Variants in DAB2IP observed in about 807,000 individuals in gnomAD.
DAB2IP encodes DAB2 interacting protein.
In DAB2IP, 28 loss-of-function variants were observed where a neutral mutation model predicts 107.2. The ratio of observed to expected loss-of-function variants is 0.26; its 90% CI spans 0.19 to 0.36. The LOEUF (loss-of-function observed/expected upper bound fraction) is 0.36. Ranked by LOEUF, DAB2IP falls within the 10% of genes least tolerant of loss-of-function variation. The probability of loss-of-function intolerance (pLI) is 1.00; values close to 1 mark genes in which losing one functional copy is unlikely to be tolerated. For missense variants in DAB2IP, 1,400 were observed against 1,644.7 expected, an observed-to-expected ratio of 0.85 and a Z score of 2.57; for synonymous variants, 755 against 706.4, an observed-to-expected ratio of 1.07 and a Z score of -1.09.
chr9:121,589,624 CT>C (rs1231979529), intron 1 of DAB2IP, among the ~76,000 whole-genome samples: 2 of 152,112 alleles, frequency 1.3e-5, no homozygotes, highest in Non-Finnish European at 2.9e-5. Flanking sequence ...ACATTGTTAC[CT>C]GTCTCTTCCC....
At chr9:121,762,980 G>A (rs1049090593) in intron 6 of DAB2IP, among the ~76,000 whole-genome samples, 3 of 152,208 alleles carry the variant, frequency 2.0e-5, no homozygotes, top group Admixed American at 6.5e-5. Flanking sequence ...ACCTGCCTGA[G>A]CATGGTGGCT....
chr9:121,570,886 T>A (rs1298211968), intron 1 of DAB2IP, among the ~76,000 whole-genome samples: 1 of 151,900 alleles, frequency 6.6e-6, no homozygotes, highest in East Asian at 1.9e-4. Context: ...TTCCTCCCAT[T>A]ATCTCTGGCT....
chr9:121,601,913 C>CGT (rs1564693673), intron 1 of DAB2IP, among the ~76,000 whole-genome samples: 1 of 150,690 alleles, frequency 6.6e-6, no homozygotes, highest in African/African-American at 2.5e-5. Flanking sequence ...TGTGCGCGTG[C>CGT]GTGTGTGCTC....
chr9:121,581,791 G>A (rs1379999233), intron 1 of DAB2IP, among the ~76,000 whole-genome samples: 3 of 152,204 alleles, frequency 2.0e-5, no homozygotes. Context: ...TCCCAGTAAA[G>A]TAGGCAGGAA....
chr9:121,667,167 C>T (rs956994978), intron 1 of DAB2IP, among the ~76,000 whole-genome samples: 2 of 152,218 alleles, frequency 1.3e-5, no homozygotes, highest in East Asian at 1.9e-4. Flanking sequence ...TGCACCACCA[C>T]GCCTGACTAA....
In DAB2IP at chr9:121,736,837, G is replaced by A. The variant is rs749029394; in HGVS notation, c.363-20176G>A. ...TTCGAGGTGTGCTGGGCTTACCGGG[G>A]CGTGCAGGTCCCTGTTCTCGTGGAC... On this transcript the variant is annotated intron_variant, in intron 3 of 15. Transcript: ENST00000408936. This position sits in a 1 kb window ranked among gnomAD's most constrained non-coding sequence, Gnocchi z 4.6. Among the ~76,000 whole-genome samples, 5 of 152,246 alleles carry A rather than the reference G, an allele frequency of 3.3e-5. No homozygotes were observed. The highest frequency in any genetic ancestry group is 5.9e-5 in the Non-Finnish European group (4 of 68,054).
At chr9:121,724,309 G>A (rs1221523956) in intron 3 of DAB2IP, among the ~76,000 whole-genome samples, 7 of 149,076 alleles carry the variant, frequency 4.7e-5, no homozygotes, top group African/African-American at 1.5e-4. Context: ...CCTGCCCCAC[G>A]AGTGCTCCAG....
At position 121,756,998 on chromosome 9, in the gene DAB2IP, C is replaced by G; in HGVS notation, c.363-15C>G. On this transcript the variant is annotated splice_polypyrimidine_tract_variant and intron_variant, in intron 3 of 15. Transcript: ENST00000408936. Reference sequence around the variant, plus strand: ...GGCTGTGGGGGCCCACCTGACACACCTACTGCCACCCCAGGTCCCATCTGA... The same window carrying G: ...GGCTGTGGGGGCCCACCTGACACACGTACTGCCACCCCAGGTCCCATCTGA... 6.2e-7 allele frequency: 1 copy of G among 1,613,710 alleles called. No individual in the cohort carries two copies. The highest frequency in any genetic ancestry group is 2.2e-5 in the East Asian group (1 of 44,878).
intron 3 of DAB2IP, among the ~76,000 whole-genome samples, chr9:121,716,765 G>T (rs1830624680): frequency 6.6e-6 from 1 of 152,184 alleles, no homozygotes; most frequent in South Asian, 2.1e-4. Flanking sequence ...AAGTTTCCCA[G>T]ATTGGCCAAA....
intron 2 of DAB2IP, among the ~76,000 whole-genome samples, chr9:121,689,652 C>G (rs923067463): frequency 6.6e-6 from 1 of 152,178 alleles, no homozygotes; most frequent in Non-Finnish European, 1.5e-5. Flanking sequence ...CCCGGGCCAG[C>G]TGGGTGCCTG....
At chr9:121,652,455 T>C (rs1832786463) in intron 1 of DAB2IP, among the ~76,000 whole-genome samples, 1 of 152,114 alleles carries the variant, frequency 6.6e-6, no homozygotes, top group South Asian at 2.1e-4. Flanking sequence ...CGAGCAGCAT[T>C]TTCTTTTTCC....
At chr9:121,759,031 A>AT (rs1315345672) in intron 5 of DAB2IP, 35 bp downstream of exon 5, 1 of 1,580,134 alleles carries the variant, frequency 6.3e-7, no homozygotes, top group African/African-American at 1.3e-5. Context: ...AGCATGGGGG[A>AT]TTGAAGGTAG....
chr9:121,652,761 C>T (rs931300195), intron 1 of DAB2IP, among the ~76,000 whole-genome samples: 2 of 152,178 alleles, frequency 1.3e-5, no homozygotes, highest in African/African-American at 4.8e-5. Flanking sequence ...AAATGCCATG[C>T]AGGGAATCTG....
At chr9:121,716,053 G>A (rs1830585274) in intron 3 of DAB2IP, among the ~76,000 whole-genome samples, 1 of 152,206 alleles carries the variant, frequency 6.6e-6, no homozygotes. Context: ...CCCCACCCTG[G>A]GAGGGTCAGG....
intron 1 of DAB2IP, among the ~76,000 whole-genome samples, chr9:121,575,717 A>T (rs1293923980): frequency 6.6e-6 from 1 of 151,968 alleles, no homozygotes; most frequent in Non-Finnish European, 1.5e-5. Context: ...TCCAGAGTCT[A>T]GCCTTCTGCT....
chr9:121,774,449 G>C (rs768512257), intron 13 of DAB2IP, 37 bp downstream of exon 13: 1 of 1,552,292 alleles, frequency 6.4e-7, no homozygotes, highest in South Asian at 1.2e-5. Flanking sequence ...ACAGGGCGGG[G>C]CTGCCTCCCG....
In DAB2IP at chr9:121,782,847, C is replaced by T. The variant is rs1835760431; in HGVS notation, c.*349C>T. 44 of 1,085,998 alleles carry T rather than the reference C, an allele frequency of 4.1e-5. No individual in the cohort carries two copies. Among genetic ancestry groups the T allele is most frequent in the Non-Finnish European group, 4.9e-5 (44 of 893,238 alleles). 67.3% of individuals were successfully genotyped at this position (1,085,998 alleles called of 1,614,324 possible). On this transcript the variant is annotated 3_prime_UTR_variant, in exon 16 of 16. Transcript: ENST00000408936. This position sits in a 1 kb window ranked among gnomAD's most constrained non-coding sequence, Gnocchi z 6.1. ...TGGATCTGGCCGAGTGCATGTGTCC[C>T]CCCACACCTGTGCCAGGGAGGGGGC...
intron 2 of DAB2IP, among the ~76,000 whole-genome samples, chr9:121,691,512 T>C: frequency 7.2e-6 from 1 of 139,512 alleles, no homozygotes. Context: ...AGTGAGAGAC[T>C]CCATGTCAAA....
At chr9:121,737,488 C>T (rs1470539440) in intron 3 of DAB2IP, 3 of 985,468 alleles carry the variant, frequency 3.0e-6, no homozygotes, top group Non-Finnish European at 3.6e-6. Flanking sequence ...GGCCGAGAGG[C>T]CCCCTAATCT....
Sources: gnomAD v4.1 joint callset for allele counts (sites outside exome capture counted in the v4.1 genomes callset) on GRCh38, gnomAD v4.1.1 for gene constraint, Gnocchi (gnomAD v3.1) non-coding constraint, MANE v1.5 for transcripts, NCBI Gene and HGNC (gene_info 2026-07-23, HGNC 2026-07-21) for gene names.